SEMA6D: variants seen among roughly 807,000 people sequenced by gnomAD.
SEMA6D encodes semaphorin 6D, also known as semaphorin-6D.
In SEMA6D, 35 loss-of-function variants were observed where a neutral mutation model predicts 106.6. The observed-to-expected ratio is 0.33, with a 90% CI of 0.25 to 0.44. The LOEUF is 0.44. SEMA6D is among the 20% of genes least tolerant of loss of function. The pLI is 1.00. For missense variants in SEMA6D, 1,185 were observed against 1,345.9 expected (o/e 0.88, Z 1.87); for synonymous variants, 499 against 487.7 (o/e 1.02, Z -0.31).
intron 4 of SEMA6D, among the ~76,000 whole-genome samples, chr15:47,672,724 G>A (rs1403018959): frequency 1.3e-5 from 2 of 151,940 alleles, no homozygotes; most frequent in Non-Finnish European, 1.5e-5. Context: ...TAATTATATA[G>A]CATCAATATG....
rs375142130 is a variant in SEMA6D, at chr15:47,520,805, G to C, written c.-87+50260G>C. Among the ~76,000 whole-genome samples the C allele has an allele frequency of 2.0e-5, 3 of 152,202 alleles. No individual in the cohort carries two copies. The South Asian group carries it at 6.2e-4, about 32-fold the overall frequency. On this transcript the variant is annotated intron_variant, in intron 3 of 19. Transcript: ENST00000558014. ...CAGGCACGTATGTTGGGGAACCCCA[G>C]CAAAGAGGAAGGGAGGGTGCCAGAA...
chr15:47,196,552 C>A (rs749477142), intron 1 of SEMA6D, among the ~76,000 whole-genome samples: 6 of 152,122 alleles, frequency 3.9e-5, no homozygotes, highest in Non-Finnish European at 8.8e-5. Flanking sequence ...GTTCCATATT[C>A]TTTTTTCCTT....
chr15:47,725,238 T>C (rs1295932966), intron 1 of SEMA6D, among the ~76,000 whole-genome samples: 1 of 152,166 alleles, frequency 6.6e-6, no homozygotes, highest in South Asian at 2.1e-4. Context: ...TGCTCATCAC[T>C]GTAAGCTAGC....
intron 4 of SEMA6D, among the ~76,000 whole-genome samples, chr15:47,702,551 C>A (rs755918764): frequency 2.6e-5 from 4 of 152,166 alleles, no homozygotes; most frequent in Non-Finnish European, 5.9e-5. Flanking sequence ...CTTATGTCCA[C>A]GCAAAAACTT....
At chr15:47,643,401 G>C (rs1364017651) in intron 4 of SEMA6D, among the ~76,000 whole-genome samples, 2 of 152,184 alleles carry the variant, frequency 1.3e-5, no homozygotes, top group Non-Finnish European at 2.9e-5. Flanking sequence ...AAAGAGGAAG[G>C]GGTGAGGCTT....
At chr15:47,361,806 G>A (rs1250146987) in intron 1 of SEMA6D, among the ~76,000 whole-genome samples, 1 of 151,606 alleles carries the variant, frequency 6.6e-6, no homozygotes, top group African/African-American at 2.4e-5. Context: ...CCAGCATTAT[G>A]GCTGCTGTTC....
At chr15:47,389,379 T>C (rs1252955396) in intron 1 of SEMA6D, among the ~76,000 whole-genome samples, 5 of 152,104 alleles carry the variant, frequency 3.3e-5, no homozygotes, top group Non-Finnish European at 7.4e-5. Flanking sequence ...AGGTATTTCT[T>C]CCACATTTCA....
intron 4 of SEMA6D, among the ~76,000 whole-genome samples, chr15:47,669,237 C>T (rs912539492): frequency 1.3e-5 from 2 of 152,166 alleles, no homozygotes; most frequent in African/African-American, 2.4e-5. Flanking sequence ...AATTCCTTAC[C>T]GCTTATTTTA....
intron 2 of SEMA6D, among the ~76,000 whole-genome samples, chr15:47,435,987 A>G (rs566679895): frequency 2.0e-5 from 3 of 152,214 alleles, no homozygotes; most frequent in African/African-American, 7.2e-5. Flanking sequence ...ACACTTAATG[A>G]ACCAGTCTCT....
chr15:47,462,941 A>G (rs530844509), intron 2 of SEMA6D, among the ~76,000 whole-genome samples: 10 of 152,244 alleles, frequency 6.6e-5, no homozygotes, highest in Admixed American at 6.5e-4. Flanking sequence ...AACAGATGTC[A>G]TTGAAAGAGG....
chr15:47,743,760 T>C (rs1165106166), intron 1 of SEMA6D, among the ~76,000 whole-genome samples: 1 of 152,120 alleles, frequency 6.6e-6, no homozygotes, highest in Non-Finnish European at 1.5e-5. Context: ...TGCACTGGAA[T>C]GAGGGGGTGC....
At chr15:47,195,918 A>G (rs1217273883) in intron 1 of SEMA6D, among the ~76,000 whole-genome samples, 1 of 122,186 alleles carries the variant, frequency 8.2e-6, no homozygotes, top group Non-Finnish European at 1.7e-5. Flanking sequence ...GAGCGTGTGG[A>G]TGAAGGACAG....
intron 2 of SEMA6D, among the ~76,000 whole-genome samples, chr15:47,444,102 C>T (rs1410728474): frequency 6.6e-6 from 1 of 152,122 alleles, no homozygotes; most frequent in Non-Finnish European, 1.5e-5. Flanking sequence ...ACAACTACAT[C>T]TTGGACTTTT....
chr15:47,606,122 A>T (rs1405378260), intron 4 of SEMA6D: 2 of 152,084 alleles, frequency 1.3e-5, no homozygotes, highest in African/African-American at 2.4e-5. Flanking sequence ...ATATATATAG[A>T]GACAGAGGGG....
chr15:47,610,277 C>G (rs752159667), intron 4 of SEMA6D, among the ~76,000 whole-genome samples: 1 of 152,226 alleles, frequency 6.6e-6, no homozygotes, highest in Non-Finnish European at 1.5e-5. Flanking sequence ...CACTGGCTCT[C>G]TCTTCCATTA....
intron 1 of SEMA6D, among the ~76,000 whole-genome samples, chr15:47,756,792 T>C (rs1191693766): frequency 6.6e-6 from 1 of 152,132 alleles, no homozygotes; most frequent in African/African-American, 2.4e-5. Flanking sequence ...TCCTGGTACA[T>C]TGCTTTCAGG....
chr15:47,436,678 C>A (rs1482803226), intron 2 of SEMA6D, among the ~76,000 whole-genome samples: 1 of 150,012 alleles, frequency 6.7e-6, no homozygotes, highest in Non-Finnish European at 1.5e-5. Context: ...TGCCTGTAAT[C>A]CAAGCACTTT....
At chr15:47,572,006 A>C (rs2046397498) in intron 3 of SEMA6D, among the ~76,000 whole-genome samples, 1 of 152,246 alleles carries the variant, frequency 6.6e-6, no homozygotes, top group Non-Finnish European at 1.5e-5. Context: ...ATAGAAACAG[A>C]AGCCAAATCA....
intron 1 of SEMA6D, among the ~76,000 whole-genome samples, chr15:47,327,884 C>G (rs372273968): frequency 2.6e-5 from 4 of 152,132 alleles, no homozygotes; most frequent in African/African-American, 9.7e-5. Flanking sequence ...TACTAAATGC[C>G]AGGATCAAGG....
Sources: allele counts gnomAD v4.1 joint callset (sites outside exome capture counted in the v4.1 genomes callset), GRCh38; gene constraint gnomAD v4.1.1; transcripts MANE v1.5; gene names NCBI Gene and HGNC (gene_info 2026-07-23, HGNC 2026-07-21).